SNTB1: variants seen among roughly 807,000 people sequenced by gnomAD.
SNTB1 encodes beta-1-syntrophin.
A neutral mutation model predicts 48.9 loss-of-function variants in SNTB1; 36 were observed. The observed-to-expected ratio is 0.74, with a 90% CI of 0.56 to 0.97. SNTB1 has a LOEUF of 0.97. SNTB1 is among the 50% of genes least tolerant of loss of function. The pLI is 0.00. For missense variants in SNTB1, 786 were observed against 703.4 expected, an observed-to-expected ratio of 1.12 and a Z score of -1.33; for synonymous variants, 299 against 294.6, an observed-to-expected ratio of 1.01 and a Z score of -0.15.
At chr8:120,695,477 G>A (rs1013309053) in intron 1 of SNTB1, among the ~76,000 whole-genome samples, 8 of 152,184 alleles carry the variant, frequency 5.3e-5, no homozygotes, top group Non-Finnish European at 1.0e-4. Flanking sequence ...AAGCTCAGGA[G>A]GCTGCAAAGT....
At chr8:120,720,251 C>G (rs1387693121) in intron 1 of SNTB1, among the ~76,000 whole-genome samples, 1 of 152,238 alleles carries the variant, frequency 6.6e-6, no homozygotes, top group Non-Finnish European at 1.5e-5. Flanking sequence ...TCCTCTCCCT[C>G]CAGCTCCCTC....
chr8:120,595,671 C>T lies in SNTB1; in HGVS notation c.997-20446G>A, dbSNP rs146357072. Among the ~76,000 whole-genome samples, 1,036 of 152,028 alleles carry T rather than the reference C, an allele frequency of 6.8e-3. 12 individuals carry two copies. Among genetic ancestry groups the T allele is most frequent in the African/African-American group, 0.023 (972 of 41,446 alleles). On this transcript the variant is annotated intron_variant, in intron 3 of 6. Coordinates refer to ENST00000517992, the MANE Select transcript of SNTB1 (RefSeq NM_021021.4). ...CAATCTCAGCTCACTGCAACCTCTG[C>T]CTCATGGGTTCAAGCAATTCTCCTG...
chr8:120,561,332 A>G (rs1275906956), intron 4 of SNTB1, among the ~76,000 whole-genome samples: 2 of 140,978 alleles, frequency 1.4e-5, no homozygotes, highest in Non-Finnish European at 3.1e-5. Context: ...AAAAAAAAAA[A>G]AAAAAAAAGA....
At chr8:120,560,741 C>T (rs750799444) in intron 4 of SNTB1, among the ~76,000 whole-genome samples, 6 of 152,176 alleles carry the variant, frequency 3.9e-5, no homozygotes, top group African/African-American at 1.4e-4. Flanking sequence ...CCTGCCACGA[C>T]CATCTGCCAG....
chr8:120,637,073 A>G (rs1028235424), intron 2 of SNTB1: 8 of 374,300 alleles, frequency 2.1e-5, no homozygotes, highest in African/African-American at 1.8e-4. Context: ...TTTCAGCTAA[A>G]GGAGAAGATG....
chr8:120,804,258 C>T (rs1465025503), intron 1 of SNTB1, among the ~76,000 whole-genome samples: 1 of 151,782 alleles, frequency 6.6e-6, no homozygotes, highest in Non-Finnish European at 1.5e-5. Flanking sequence ...CTTCCTCTTT[C>T]CTTCCACCCA....
chr8:120,793,100 A>G (rs143846204), intron 1 of SNTB1, among the ~76,000 whole-genome samples: 2 of 152,130 alleles, frequency 1.3e-5, no homozygotes, highest in East Asian at 3.9e-4. Flanking sequence ...AACATGTATC[A>G]TGAGCTTGGA....
chr8:120,667,254 G>T (rs539104832), intron 2 of SNTB1, among the ~76,000 whole-genome samples: 29 of 152,172 alleles, frequency 1.9e-4, no homozygotes, highest in Admixed American at 3.9e-4. Context: ...CTAAGTAGCT[G>T]GTACTACAGC....
In SNTB1 at chr8:120,538,295, T is replaced by C. The variant is rs902878576; in HGVS notation, c.*582A>G. The stretch of plus-strand genomic sequence containing the variant: ...GACACTTTGGAATCATTCTACACCA[T>C]TGAAAGATAATTCATTTTTTAAAAA... On this transcript the variant is annotated 3_prime_UTR_variant, in exon 7 of 7. Coordinates refer to ENST00000517992, the MANE Select transcript of SNTB1 (RefSeq NM_021021.4). 6 of 229,586 alleles carry C rather than the reference T, an allele frequency of 2.6e-5. No individual in the cohort carries two copies. The highest frequency in any genetic ancestry group is 7.0e-5 in the South Asian group (1 of 14,328). 14.2% of individuals were successfully genotyped at this position (229,586 alleles called of 1,614,324 possible). A position where few individuals can be genotyped will look rare whatever the true frequency, so the allele number is the denominator to read the frequency against.
chr8:120,575,058 A>G (rs996987796), intron 4 of SNTB1, 28 bp downstream of exon 4: 29 of 1,613,982 alleles, frequency 1.8e-5, no homozygotes, highest in Non-Finnish European at 2.4e-5. Context: ...CTGCAAACAC[A>G]TCATACCAAA....
intron 1 of SNTB1, among the ~76,000 whole-genome samples, chr8:120,720,862 C>G (rs1241309349): frequency 6.6e-6 from 1 of 152,108 alleles, no homozygotes; most frequent in Non-Finnish European, 1.5e-5. Context: ...CCTACCTTAC[C>G]CTTCCACAGG....
intron 1 of SNTB1, among the ~76,000 whole-genome samples, chr8:120,735,610 G>T (rs1230413954): frequency 6.6e-6 from 1 of 152,212 alleles, no homozygotes; most frequent in African/African-American, 2.4e-5. Flanking sequence ...GAAAGGCCAT[G>T]TGAAGACCCA....
At chr8:120,610,497 G>A (rs1203679233) in intron 3 of SNTB1, among the ~76,000 whole-genome samples, 1 of 152,082 alleles carries the variant, frequency 6.6e-6, no homozygotes, top group African/African-American at 2.4e-5. Flanking sequence ...CTGGAGGATA[G>A]GGTCATGGTT....
intron 2 of SNTB1, among the ~76,000 whole-genome samples, chr8:120,642,871 A>G (rs1237445136): frequency 6.6e-6 from 1 of 152,218 alleles, no homozygotes; most frequent in Non-Finnish European, 1.5e-5. Flanking sequence ...TGATTGCACT[A>G]CTGCACTCCA....
At chr8:120,643,207 G>C (rs1395806282) in intron 2 of SNTB1, among the ~76,000 whole-genome samples, 1 of 152,206 alleles carries the variant, frequency 6.6e-6, no homozygotes, top group Non-Finnish European at 1.5e-5. Context: ...AGAAAAAAAG[G>C]AACTGCTATG....
chr8:120,797,217 A>G (rs1820133329), intron 1 of SNTB1, among the ~76,000 whole-genome samples: 1 of 152,114 alleles, frequency 6.6e-6, no homozygotes, highest in Non-Finnish European at 1.5e-5. Context: ...TGAGGCAAAG[A>G]TAAATTTGCA....
At chr8:120,543,955 C>T (rs1242000268) in intron 5 of SNTB1, among the ~76,000 whole-genome samples, 1 of 89,956 alleles carries the variant, frequency 1.1e-5, no homozygotes, top group Non-Finnish European at 2.1e-5. Flanking sequence ...GTCTTGACCC[C>T]TCCATTTTTT....
At chr8:120,644,721 C>T (rs1817255502) in intron 2 of SNTB1, among the ~76,000 whole-genome samples, 1 of 150,910 alleles carries the variant, frequency 6.6e-6, no homozygotes, top group Non-Finnish European at 1.5e-5. Context: ...AGTTCTAGAT[C>T]CCTGAGGAAT....
At chr8:120,755,514 T>A (rs1445714088) in intron 1 of SNTB1, among the ~76,000 whole-genome samples, 1 of 152,032 alleles carries the variant, frequency 6.6e-6, no homozygotes, top group African/African-American at 2.4e-5. Context: ...AATATTTATG[T>A]GAAGTACATT....
Sources: allele counts gnomAD v4.1 joint callset (sites outside exome capture counted in the v4.1 genomes callset), GRCh38; gene constraint gnomAD v4.1.1; transcripts MANE v1.5; gene names NCBI Gene and HGNC (gene_info 2026-07-23, HGNC 2026-07-21).